PRKCE: variants seen among roughly 807,000 people sequenced by gnomAD.
PRKCE encodes protein kinase C epsilon type.
In PRKCE, 16 loss-of-function variants were observed where a neutral mutation model predicts 85.4. That is an observed-to-expected ratio of 0.19 (90% CI 0.13 to 0.28). The LOEUF is 0.28. PRKCE is among the 10% of genes least tolerant of loss of function. PRKCE has a pLI of 1.00. For missense variants in PRKCE, 573 were observed against 975.2 expected, an observed-to-expected ratio of 0.59 and a Z score of 5.49; for synonymous variants, 388 against 371.5, an observed-to-expected ratio of 1.04 and a Z score of -0.51.
chr2:45,900,097 T>G (rs1200877265), intron 2 of PRKCE, among the ~76,000 whole-genome samples: 1 of 152,156 alleles, frequency 6.6e-6, no homozygotes, highest in African/African-American at 2.4e-5. Context: ...TAAAATGCAG[T>G]TGGAAAAAAC....
chr2:45,708,786 C>T (rs555895285), intron 1 of PRKCE, among the ~76,000 whole-genome samples: 14 of 152,256 alleles, frequency 9.2e-5, no homozygotes, highest in Middle Eastern at 3.4e-3. Context: ...CCACAAAAAC[C>T]TCCTGGGTCA....
At position 45,786,844 on chromosome 2, in the gene PRKCE, A is replaced by T. The variant is rs2105054149; in HGVS notation, c.349-56156A>T. Among the ~76,000 whole-genome samples, 1 of 152,354 alleles carries T rather than the reference A, an allele frequency of 6.6e-6. No individual in the cohort carries two copies. The highest frequency in any genetic ancestry group is 2.4e-5 in the African/African-American group (1 of 41,586). On this transcript the variant is annotated intron_variant, in intron 1 of 14. Transcript: ENST00000306156. This position sits in a 1 kb window ranked among gnomAD's most constrained non-coding sequence, Gnocchi z 5.3. Reference sequence around the variant, plus strand: ...GGAAACCGAGGGTTTAGACAGCTGAAGTAACTTGCACAAAATCACATGGCA... The same window carrying T: ...GGAAACCGAGGGTTTAGACAGCTGATGTAACTTGCACAAAATCACATGGCA...
At chr2:45,824,390 C>G (rs12328510) in intron 1 of PRKCE, among the ~76,000 whole-genome samples, 21,831 of 152,164 alleles carry the variant, frequency 0.14, 1,899 homozygotes, top group South Asian at 0.2. Context: ...CCTGCTATAT[C>G]CACACAGGAG....
At chr2:45,874,706 A>G (rs1437341551) in intron 2 of PRKCE, among the ~76,000 whole-genome samples, 1 of 152,196 alleles carries the variant, frequency 6.6e-6, no homozygotes, top group African/African-American at 2.4e-5. Context: ...CTGGTGATTG[A>G]AAAGCAGCTG....
intron 13 of PRKCE, among the ~76,000 whole-genome samples, chr2:46,158,537 T>C (rs1378286036): frequency 6.6e-6 from 1 of 152,180 alleles, no homozygotes; most frequent in Admixed American, 6.5e-5. Context: ...TCCAATCGCA[T>C]TGAACTCGAG....
At chr2:45,741,510 G>A (rs1481055906) in intron 1 of PRKCE, among the ~76,000 whole-genome samples, 4 of 152,224 alleles carry the variant, frequency 2.6e-5, no homozygotes, top group Admixed American at 2.6e-4. Flanking sequence ...TCTTCTGGGA[G>A]AAACCAGCAA....
At chr2:46,148,877 A>T (rs1433517040) in intron 12 of PRKCE, among the ~76,000 whole-genome samples, 1 of 152,184 alleles carries the variant, frequency 6.6e-6, no homozygotes. Flanking sequence ...TTGGCTTTGG[A>T]GCATAGCAGA....
At chr2:45,670,330 C>A (rs1310185609) in intron 1 of PRKCE, among the ~76,000 whole-genome samples, 4 of 152,160 alleles carry the variant, frequency 2.6e-5, no homozygotes, top group African/African-American at 9.7e-5. Context: ...AGAATAAAGG[C>A]ATATCCTGTC....
At chr2:45,854,308 A>G in intron 2 of PRKCE, among the ~76,000 whole-genome samples, 1 of 152,218 alleles carries the variant, frequency 6.6e-6, no homozygotes, top group East Asian at 1.9e-4. Flanking sequence ...CTCTTGGTCC[A>G]GTGGGGAACC....
In PRKCE at chr2:46,139,704, A is replaced by G. The variant is rs1675321134; in HGVS notation, c.1593-5389A>G. ...TATGCGTATATATATGTGTGTGTATATATATACATATATACATATACATAT... is the reference window on the plus strand; with the variant it reads ...TATGCGTATATATATGTGTGTGTATGTATATACATATATACATATACATAT... On this transcript the variant is annotated intron_variant, in intron 11 of 14. Coordinates refer to ENST00000306156, the MANE Select transcript of PRKCE (RefSeq NM_005400.3). This position sits in a 1 kb window ranked among gnomAD's most constrained non-coding sequence, Gnocchi z 5.2. Among the ~76,000 whole-genome samples, 1 of 151,476 alleles carries G rather than the reference A, an allele frequency of 6.6e-6. No homozygotes were observed. The highest frequency in any genetic ancestry group is 2.4e-5 in the African/African-American group (1 of 41,214).
intron 2 of PRKCE, among the ~76,000 whole-genome samples, chr2:45,880,919 C>T (rs1170439315): frequency 2.0e-5 from 3 of 151,972 alleles, no homozygotes; most frequent in Non-Finnish European, 2.9e-5. Context: ...TTTGGGAGGC[C>T]GAGGCGGGCG....
intron 1 of PRKCE, among the ~76,000 whole-genome samples, chr2:45,735,670 G>A (rs939798430): frequency 3.3e-5 from 5 of 152,220 alleles, no homozygotes; most frequent in Admixed American, 2.0e-4. Flanking sequence ...GGAAAGCAAA[G>A]TGTTGGAGGA....
At chr2:45,793,478 G>A (rs531085805) in intron 1 of PRKCE, among the ~76,000 whole-genome samples, 26 of 152,262 alleles carry the variant, frequency 1.7e-4, no homozygotes, top group African/African-American at 5.3e-4. Flanking sequence ...GTTCTATCTC[G>A]TTTGTCTGCA....
At chr2:45,840,773 G>C (rs540261969) in intron 1 of PRKCE, among the ~76,000 whole-genome samples, 1 of 152,356 alleles carries the variant, frequency 6.6e-6, no homozygotes, top group East Asian at 1.9e-4. Flanking sequence ...GACTCTGGGA[G>C]CCTCCTGGAT....
chr2:46,036,407 A>G (rs1707862212), intron 10 of PRKCE, among the ~76,000 whole-genome samples: 1 of 152,092 alleles, frequency 6.6e-6, no homozygotes, highest in African/African-American at 2.4e-5. Flanking sequence ...TGAGACCCCT[A>G]TTTCCACACA....
intron 11 of PRKCE, among the ~76,000 whole-genome samples, chr2:46,100,120 A>C (rs991773913): frequency 2.0e-4 from 31 of 152,292 alleles, no homozygotes; most frequent in African/African-American, 7.2e-4. Flanking sequence ...GAATGCCTTG[A>C]AGAGCATCTG....
chr2:45,946,950 C>A (rs1274364623), intron 2 of PRKCE, among the ~76,000 whole-genome samples: 1 of 152,208 alleles, frequency 6.6e-6, no homozygotes, highest in Non-Finnish European at 1.5e-5. Flanking sequence ...TCAGCAAACC[C>A]AGTAGACCTA....
intron 1 of PRKCE, among the ~76,000 whole-genome samples, chr2:45,692,729 A>ACT (rs965218940): frequency 6.6e-6 from 1 of 150,462 alleles, no homozygotes; most frequent in South Asian, 2.1e-4. Flanking sequence ...ACACACACAC[A>ACT]CCCATGCACA....
chr2:45,725,394 A>T (rs1382283474), intron 1 of PRKCE, among the ~76,000 whole-genome samples: 1 of 152,244 alleles, frequency 6.6e-6, no homozygotes, highest in African/African-American at 2.4e-5. Flanking sequence ...TACAACATCT[A>T]TTCTACAGCC....
Sources: gnomAD v4.1 joint callset for allele counts (sites outside exome capture counted in the v4.1 genomes callset) on GRCh38, gnomAD v4.1.1 for gene constraint, Gnocchi (gnomAD v3.1) non-coding constraint, MANE v1.5 for transcripts, NCBI Gene and HGNC (gene_info 2026-07-23, HGNC 2026-07-21) for gene names.